Variants in PKHD1L1 observed in about 807,000 individuals in gnomAD.
PKHD1L1 encodes the protein PKHD1 like 1, also known as fibrocystin-L.
A neutral mutation model predicts 462.9 loss-of-function variants in PKHD1L1; 434 were observed. That is an observed-to-expected ratio of 0.94 (90% CI 0.87 to 1.02). The LOEUF (loss-of-function observed/expected upper bound fraction) is 1.02, where lower values mean the gene tolerates loss of function less well. Ranked by LOEUF, PKHD1L1 falls within the 50% of genes least tolerant of loss-of-function variation. The probability of loss-of-function intolerance (pLI) is 0.00; values close to 1 mark genes in which losing one functional copy is unlikely to be tolerated. For synonymous variants in PKHD1L1, 1,781 were observed against 1,750.0 expected (o/e 1.02, Z -0.44); for missense variants, 5,202 against 5,096.1 (o/e 1.02, Z -0.63).
At position 109,442,929 on chromosome 8, in the gene PKHD1L1, AT is replaced by A; in HGVS notation, c.4394-16del. On this transcript the variant is annotated splice_polypyrimidine_tract_variant and intron_variant, in intron 35 of 77. Coordinates refer to ENST00000378402, the MANE Select transcript of PKHD1L1 (RefSeq NM_177531.6). ...TAATTGCTTATATTTATTACGTACA[AT>A]CTCATTTTATGGCAGGTTCATTTTC... 1 of 1,609,682 alleles carries A rather than the reference AT, an allele frequency of 6.2e-7. No homozygotes were observed. Among genetic ancestry groups the A allele is most frequent in the Non-Finnish European group, 8.5e-7 (1 of 1,176,390 alleles).
At chr8:109,438,527 G>T in intron 31 of PKHD1L1, 71 bp downstream of exon 31, 12 of 1,369,520 alleles carry the variant, frequency 8.8e-6, no homozygotes, top group Non-Finnish European at 1.1e-5. Flanking sequence ...GGCTTTTGAA[G>T]CATAGTTTCT....
Position 109,405,138 on chromosome 8 carries a change from A to G in PKHD1L1, c.1669+8A>G. The G allele has an allele frequency of 7.1e-7, 1 of 1,406,960 alleles. No individual in the cohort carries two copies. The highest frequency in any genetic ancestry group is 9.8e-7 in the Non-Finnish European group (1 of 1,024,880). 87.2% of individuals were successfully genotyped at this position (1,406,960 alleles called of 1,614,324 possible). A position where few individuals can be genotyped will look rare whatever the true frequency, so the allele number is the denominator to read the frequency against. ...ATAATATGGAAAAAACTGGTAAGTT[A>G]TAAATAATAAGGGAGATACTGTTTC... is the stretch of plus-strand genomic sequence containing the variant. On this transcript the variant is annotated splice_region_variant and intron_variant, in intron 16 of 77. Transcript: ENST00000378402.
chr8:109,425,290 T>A, intron 24 of PKHD1L1, 58 bp downstream of exon 24: 1 of 1,326,310 alleles, frequency 7.5e-7, no homozygotes, highest in South Asian at 2.4e-5. Context: ...TATAACCTTA[T>A]AAAGTGTTAA....
At chr8:109,466,136 A>G (rs1377814960) in intron 49 of PKHD1L1, among the ~76,000 whole-genome samples, 1 of 152,242 alleles carries the variant, frequency 6.6e-6, no homozygotes, top group Non-Finnish European at 1.5e-5. Context: ...TCGTAACTTT[A>G]AAGAGGGAGA....
intron 59 of PKHD1L1, 131 bp from the exon 60 acceptor site, chr8:109,489,821 T>C: frequency 1.5e-6 from 1 of 652,836 alleles, no homozygotes; most frequent in South Asian, 1.8e-5. Flanking sequence ...AAATACTACC[T>C]CTTCTGGATT....
intron 19 of PKHD1L1, among the ~76,000 whole-genome samples, chr8:109,410,474 GAA>G (rs1442749182): frequency 9.9e-5 from 15 of 152,012 alleles, no homozygotes; most frequent in Non-Finnish European, 7.4e-5. Flanking sequence ...AAGAGCAAGA[GAA>G]GAGAGTGGGG....
In PKHD1L1 at chr8:109,515,914, C is replaced by G. The variant is rs767391919; in HGVS notation, c.11689+609C>G. On this transcript the variant is annotated intron_variant, in intron 72 of 77. Coordinates refer to ENST00000378402, the MANE Select transcript of PKHD1L1 (RefSeq NM_177531.6). ...CATACATTCCATTCCACATGGGCTACTCATCATCATTTTCTGATATGATCC... is the reference window on the plus strand; with the variant it reads ...CATACATTCCATTCCACATGGGCTAGTCATCATCATTTTCTGATATGATCC... Among the ~76,000 whole-genome samples the G allele has an allele frequency of 7.2e-5, 11 of 152,200 alleles. 2 individuals carry two copies. The Middle Eastern group carries it at 0.024, about 329-fold the overall frequency.
intron 17 of PKHD1L1, among the ~76,000 whole-genome samples, chr8:109,406,880 T>C (rs1343889518): frequency 6.6e-6 from 1 of 152,000 alleles, no homozygotes. Flanking sequence ...CCTTGAAGAT[T>C]GACAGAGCTC....
At chr8:109,444,010 C>A in intron 37 of PKHD1L1, 108 bp downstream of exon 37, 1 of 929,384 alleles carries the variant, frequency 1.1e-6, no homozygotes, top group Non-Finnish European at 1.6e-6. Context: ...AGCTATATCA[C>A]ATACCATACA....
Position 109,389,111 on chromosome 8 carries a change from A to G in PKHD1L1, c.656A>G (p.Asp219Gly). ...YGLKLDHPNG[D>G]MGSMVCKTTG... The stretch of plus-strand genomic sequence containing the variant: ...CTAAAACTGGATCATCCAAATGGAG[A>G]TATGGGTTCTATGGTTTGTAAGACG... Residue 219 changes from aspartate (D) to glycine (G), a missense_variant, in exon 8 of 78, where the codon GAT becomes GGT. Coordinates refer to ENST00000378402, the MANE Select transcript of PKHD1L1 (RefSeq NM_177531.6). 1.9e-6 allele frequency: 3 copies of G among 1,611,118 alleles called. No homozygotes were observed. Among genetic ancestry groups the G allele is most frequent in the Non-Finnish European group, 2.5e-6 (3 of 1,178,062 alleles).
chr8:109,388,714 G>A (rs1812558360), intron 7 of PKHD1L1, among the ~76,000 whole-genome samples, 164 bp downstream of exon 7: 1 of 152,070 alleles, frequency 6.6e-6, no homozygotes, highest in African/African-American at 2.4e-5. Flanking sequence ...ACAGTTAGGT[G>A]CTACCTTACA....
chr8:109,488,855 T>C (rs72687043), intron 59 of PKHD1L1, among the ~76,000 whole-genome samples: 1,522 of 151,236 alleles, frequency 0.01, 18 homozygotes, highest in Non-Finnish European at 0.015. Flanking sequence ...CCTCATAATG[T>C]TATGGCATAA....
At position 109,438,510 on chromosome 8, in the gene PKHD1L1, C is replaced by G. The variant is rs1291407272; in HGVS notation, c.3760+54C>G. On this transcript the variant is annotated intron_variant, in intron 31 of 77. Transcript: ENST00000378402. Reference sequence around the variant, plus strand: ...TTTGTCCTATGTATAAAAAACATTTCTAGAAAGGCTTTTGAAGCATAGTTT... The same window carrying G: ...TTTGTCCTATGTATAAAAAACATTTGTAGAAAGGCTTTTGAAGCATAGTTT... 6.2e-6 allele frequency: 9 copies of G among 1,450,588 alleles called. No homozygotes were observed. In the East Asian group the frequency reaches 2.0e-4, roughly 33 times the overall value. The allele number at this position is 1,450,588 out of a possible 1,614,324, so 89.9% of individuals were successfully genotyped here.
intron 13 of PKHD1L1, among the ~76,000 whole-genome samples, chr8:109,401,102 A>G (rs1404500947): frequency 6.6e-6 from 1 of 152,178 alleles, no homozygotes; most frequent in African/African-American, 2.4e-5. Context: ...AGAACCATTT[A>G]GCAATCTTTG....
Position 109,476,926 on chromosome 8 carries a change from A to G in PKHD1L1, c.8917+259A>G, listed in dbSNP as rs564450132. Among the ~76,000 whole-genome samples, 3 of 152,320 alleles carry G rather than the reference A, an allele frequency of 2.0e-5. No individual in the cohort carries two copies. The South Asian group carries it at 6.2e-4, about 32-fold the overall frequency. On this transcript the variant is annotated intron_variant, in intron 52 of 77. Transcript: ENST00000378402. ...TATTTCATGGGCTTAGAGAAAATGAATACAATGGAAGCTGGCATATGTTTT... is the reference window on the plus strand; with the variant it reads ...TATTTCATGGGCTTAGAGAAAATGAGTACAATGGAAGCTGGCATATGTTTT...
chr8:109,410,810 C>A (rs1396694922), intron 19 of PKHD1L1, among the ~76,000 whole-genome samples: 1 of 142,826 alleles, frequency 7.0e-6, no homozygotes, highest in Non-Finnish European at 1.5e-5. Flanking sequence ...CTCACTGCAA[C>A]CTCCACCTCC....
At chr8:109,404,861 A>G in intron 15 of PKHD1L1, 134 bp from the exon 16 acceptor site, 2 of 1,143,758 alleles carry the variant, frequency 1.7e-6, no homozygotes, top group Non-Finnish European at 2.4e-6. Flanking sequence ...TATTTGTACG[A>G]TAAGCCAAAA....
chr8:109,445,118 A>G lies in PKHD1L1; in HGVS notation c.5249A>G (p.Tyr1750Cys). ...TFSYLESITP[Y>C]ITGVFPNSVI... Reference sequence around the variant, plus strand: ...TCATACTTAGAAAGCATCACTCCTTACATAACAGGAGTCTTCCCAAACTCT... The same window carrying G: ...TCATACTTAGAAAGCATCACTCCTTGCATAACAGGAGTCTTCCCAAACTCT... The change falls in exon 38 of 78, where the codon TAC (tyrosine) becomes TGC (cysteine). Residue 1750 changes from tyrosine (Y) to cysteine (C), a missense_variant. Tyr to Cys is a radical substitution (Grantham distance 194). Transcript: ENST00000378402. 2 of 1,613,976 alleles carry G rather than the reference A, an allele frequency of 1.2e-6. No individual in the cohort carries two copies. The highest frequency in any genetic ancestry group is 1.7e-6 in the Non-Finnish European group (2 of 1,179,892).
At chr8:109,437,549 T>A (rs1815499190) in intron 30 of PKHD1L1, among the ~76,000 whole-genome samples, 1 of 135,540 alleles carries the variant, frequency 7.4e-6, no homozygotes, top group African/African-American at 2.8e-5. Flanking sequence ...TAAAACATAG[T>A]TTTTAAATTT....
Sources: allele counts gnomAD v4.1 joint callset (sites outside exome capture counted in the v4.1 genomes callset), GRCh38; gene constraint gnomAD v4.1.1; transcripts MANE v1.5; gene names NCBI Gene and HGNC (gene_info 2026-07-23, HGNC 2026-07-21).